Variants in NAV2 observed in about 807,000 individuals in gnomAD.
The protein encoded by NAV2 is helicase, APC down-regulated 1.
Under a neutral mutation model 223.2 loss-of-function variants are expected in NAV2, and 54 were observed. The ratio of observed to expected loss-of-function variants is 0.24; its 90% CI spans 0.19 to 0.30. The LOEUF (loss-of-function observed/expected upper bound fraction) is 0.30, where lower values mean the gene tolerates loss of function less well. Among genes scored for constraint, NAV2 ranks in the 10% least tolerant of loss-of-function variants. NAV2 has a pLI of 1.00. For synonymous variants in NAV2, 1,279 were observed against 1,239.3 expected (o/e 1.03, Z -0.67); for missense variants, 2,806 against 3,147.5 (o/e 0.89, Z 2.60).
At chr11:20,017,793 C>T (rs972694435) in intron 11 of NAV2, among the ~76,000 whole-genome samples, 1 of 152,212 alleles carries the variant, frequency 6.6e-6, no homozygotes, top group Admixed American at 6.5e-5. Context: ...GCTAAAGACT[C>T]TCCTTCCCAC....
At chr11:19,981,146 T>A (rs1185763497) in intron 10 of NAV2, 1 of 152,134 alleles carries the variant, frequency 6.6e-6, no homozygotes, top group Non-Finnish European at 1.5e-5. Context: ...TTCCTACAGT[T>A]TGAGAAGGCA....
intron 2 of NAV2, among the ~76,000 whole-genome samples, chr11:19,839,403 C>T (rs7925366): frequency 0.18 from 27,047 of 151,956 alleles, 2,559 homozygotes; most frequent in African/African-American, 0.19. Flanking sequence ...CAAAGGAGGA[C>T]TGGAGAAAAA....
intron 1 of NAV2, among the ~76,000 whole-genome samples, chr11:19,668,065 C>A (rs1292428400): frequency 6.6e-6 from 1 of 152,164 alleles, no homozygotes; most frequent in East Asian, 1.9e-4. Flanking sequence ...CCTCTATTCC[C>A]AGGTCAAGAG....
At chr11:19,349,922 C>G (rs1347760642), upstream of NAV2, among the ~76,000 whole-genome samples, 1 of 152,096 alleles carries the variant, frequency 6.6e-6, no homozygotes, top group Non-Finnish European at 1.5e-5. Context: ...GCTTTTCGGC[C>G]CTGAGACAAT....
chr11:19,746,531 G>A (rs115431311), intron 1 of NAV2, among the ~76,000 whole-genome samples: 1,709 of 152,266 alleles, frequency 0.011, 35 homozygotes, highest in African/African-American at 0.039. Context: ...TGTCATTAAT[G>A]AGGAGAACGC....
chr11:19,507,094 T>C (rs2043145287), intron 1 of NAV2: 1 of 152,322 alleles, frequency 6.6e-6, no homozygotes, highest in East Asian at 1.9e-4. Context: ...CTTGATGGTG[T>C]CTTGGAAACA....
chr11:19,703,553 G>A (rs1458486577), intron 1 of NAV2, among the ~76,000 whole-genome samples: 1 of 152,264 alleles, frequency 6.6e-6, no homozygotes, highest in African/African-American at 2.4e-5. Context: ...CGCTGGAGCT[G>A]AGGCGGCATT....
intron 26 of NAV2, among the ~76,000 whole-genome samples, chr11:20,089,158 A>T (rs956819958): frequency 3.3e-5 from 5 of 152,236 alleles, no homozygotes; most frequent in African/African-American, 1.2e-4. Flanking sequence ...TCAGTCTCTC[A>T]AAAGTGTGAG....
chr11:19,646,519 G>T (rs907882027), intron 1 of NAV2, among the ~76,000 whole-genome samples: 7 of 152,276 alleles, frequency 4.6e-5, no homozygotes, highest in African/African-American at 1.7e-4. Context: ...AGGGCGTGTG[G>T]TGATGTTTAC....
chr11:19,658,806 G>A (rs1248038077), intron 1 of NAV2, among the ~76,000 whole-genome samples: 1 of 152,152 alleles, frequency 6.6e-6, no homozygotes, highest in Non-Finnish European at 1.5e-5. Context: ...CAAAGCAGGG[G>A]TTATTTTTCC....
Position 19,605,328 on chromosome 11 carries a change from T to C in NAV2, c.76-227156T>C, listed in dbSNP as rs61876673. Among the ~76,000 whole-genome samples, 502 of 152,276 alleles carry C rather than the reference T, an allele frequency of 3.3e-3. 2 individuals are homozygous for C. The highest frequency in any genetic ancestry group is 6.0e-3 in the Non-Finnish European group (406 of 68,018). The stretch of plus-strand genomic sequence containing the variant: ...TTTGGGGGAGAAGCACTTAGTTGTC[T>C]GGCCCAGCACCACTTAAGATCCTCT... On this transcript the variant is annotated intron_variant, in intron 1 of 37. Transcript: ENST00000360655.
chr11:20,018,352 T>C (rs1591680546), intron 11 of NAV2, among the ~76,000 whole-genome samples: 1 of 5,440 alleles, frequency 1.8e-4, no homozygotes, highest in African/African-American at 6.6e-4. Flanking sequence ...AGATTCCATC[T>C]CAAAAAAAAA....
At chr11:19,753,012 C>T (rs2053955252) in intron 1 of NAV2, among the ~76,000 whole-genome samples, 1 of 152,176 alleles carries the variant, frequency 6.6e-6, no homozygotes, top group African/African-American at 2.4e-5. Flanking sequence ...GTATTAGACT[C>T]ATTCTTTCCA....
At chr11:19,360,870 G>T (rs538848221) in intron 1 of NAV2, among the ~76,000 whole-genome samples, 76 of 152,268 alleles carry the variant, frequency 5.0e-4, no homozygotes, top group African/African-American at 1.7e-3. Context: ...GGAGCAAACA[G>T]GCATCAAGTG....
chr11:19,973,379 G>A (rs924851001), intron 10 of NAV2, among the ~76,000 whole-genome samples: 3 of 152,208 alleles, frequency 2.0e-5, no homozygotes, highest in Non-Finnish European at 4.4e-5. Flanking sequence ...GAGGCTTGGG[G>A]AGCCGTAGCA....
intron 7 of NAV2, among the ~76,000 whole-genome samples, chr11:19,935,957 A>G (rs1169883551): frequency 2.1e-5 from 3 of 141,386 alleles, no homozygotes; most frequent in Non-Finnish European, 4.5e-5. Context: ...TCCCAGGTAC[A>G]AGCAATTCTC....
rs907028516 is a variant in NAV2, at chr11:20,044,217, C to T, written c.3144C>T (p.Thr1048=). The T allele has an allele frequency of 1.2e-6, 2 of 1,614,120 alleles. No individual in the cohort carries two copies. The highest frequency in any genetic ancestry group is 1.6e-4 in the Middle Eastern group (1 of 6,062). Reference sequence around the variant, plus strand: ...GCATGACAGCTCAGGTGGGCATCACCATGCCAAGGACGAAGCCTTCAGCCC... The same window carrying T: ...GCATGACAGCTCAGGTGGGCATCACTATGCCAAGGACGAAGCCTTCAGCCC... ...RRGMTAQVGI[T]MPRTKPSAPA... is the part of the protein sequence containing the mutation. The change falls in exon 13 of 38, where the codon ACC becomes ACT. Residue 1048 remains threonine (T), a synonymous_variant. Coordinates refer to ENST00000349880, the MANE Select transcript of NAV2 (RefSeq NM_145117.5).
intron 1 of NAV2, among the ~76,000 whole-genome samples, chr11:19,793,158 A>G (rs965281262): frequency 3.5e-5 from 5 of 144,772 alleles, no homozygotes; most frequent in Admixed American, 7.1e-5. Flanking sequence ...CAGTGAGCCG[A>G]GATCATGTCA....
At chr11:19,566,167 C>T (rs1333955985) in intron 1 of NAV2, among the ~76,000 whole-genome samples, 3 of 151,994 alleles carry the variant, frequency 2.0e-5, no homozygotes, top group Admixed American at 1.3e-4. Flanking sequence ...CTCTGGGGCT[C>T]AAGCAATCCT....
Sources: allele counts gnomAD v4.1 joint callset (sites outside exome capture counted in the v4.1 genomes callset), GRCh38; gene constraint gnomAD v4.1.1; transcripts MANE v1.5; gene names NCBI Gene and HGNC (gene_info 2026-07-23, HGNC 2026-07-21).